DPP10: variants seen among roughly 807,000 people sequenced by gnomAD.
DPP10 encodes inactive dipeptidyl peptidase 10.
A neutral mutation model predicts 120.9 loss-of-function variants in DPP10; 33 were observed. The observed-to-expected ratio is 0.27, with a 90% confidence interval of 0.21 to 0.37. The LOEUF (loss-of-function observed/expected upper bound fraction) is 0.37. DPP10 is among the 10% of genes least tolerant of loss of function. The probability of loss-of-function intolerance (pLI) is 1.00; values close to 1 mark genes in which losing one functional copy is unlikely to be tolerated. For synonymous variants in DPP10, 337 were observed against 326.1 expected, an observed-to-expected ratio of 1.03 and a Z score of -0.36; for missense variants, 816 against 942.8, an observed-to-expected ratio of 0.87 and a Z score of 1.76.
intron 1 of DPP10, among the ~76,000 whole-genome samples, chr2:114,851,378 A>G (rs894974860): frequency 1.3e-5 from 2 of 152,188 alleles, no homozygotes; most frequent in Admixed American, 6.5e-5. Flanking sequence ...TGAAACATCA[A>G]CTACATTAAA....
chr2:115,646,246 A>C (rs1387643498), intron 5 of DPP10, among the ~76,000 whole-genome samples: 1 of 152,206 alleles, frequency 6.6e-6, no homozygotes, highest in Non-Finnish European at 1.5e-5. Flanking sequence ...GATGGAGATC[A>C]GACTGTCACA....
intron 8 of DPP10, among the ~76,000 whole-genome samples, chr2:115,731,660 A>G (rs1490182724): frequency 6.6e-6 from 1 of 152,178 alleles, no homozygotes; most frequent in African/African-American, 2.4e-5. Context: ...CTTAGTCACT[A>G]GTCTACTCTA....
intron 1 of DPP10, among the ~76,000 whole-genome samples, chr2:114,753,692 G>C (rs968460327): frequency 6.6e-6 from 1 of 151,974 alleles, no homozygotes; most frequent in Non-Finnish European, 1.5e-5. Context: ...GGCAGATCAC[G>C]AGGTCAGGAG....
At chr2:115,502,407 T>C (rs774485599) in intron 4 of DPP10, among the ~76,000 whole-genome samples, 3 of 152,148 alleles carry the variant, frequency 2.0e-5, no homozygotes, top group Non-Finnish European at 4.4e-5. Context: ...TGGTTTAGCC[T>C]CAAAAATGCT....
chr2:114,846,733 G>A (rs767780738), intron 1 of DPP10, among the ~76,000 whole-genome samples: 8 of 152,070 alleles, frequency 5.3e-5, no homozygotes, highest in Non-Finnish European at 1.5e-5. Context: ...TCAGTAGGCT[G>A]CAATTTATGA....
At chr2:114,734,321 C>T (rs1677210996) in intron 1 of DPP10, among the ~76,000 whole-genome samples, 1 of 152,180 alleles carries the variant, frequency 6.6e-6, no homozygotes, top group African/African-American at 2.4e-5. Flanking sequence ...AGTCTGCTAC[C>T]TGAGAGCTCC....
rs1006685442 is a variant in DPP10, at chr2:115,563,501, G to A, written c.441+37529G>A. On this transcript the variant is annotated intron_variant, in intron 5 of 25. Transcript: ENST00000410059. The stretch of plus-strand genomic sequence containing the variant: ...AAAGAAGATGTGATTCCCTACAGCT[G>A]TGAACAGTGATGTGGAAAATATAGT... Among the ~76,000 whole-genome samples, 51 of 152,166 alleles carry A rather than the reference G, an allele frequency of 3.4e-4. 1 individual carries two copies. Among genetic ancestry groups the A allele is most frequent in the African/African-American group, 1.2e-3 (50 of 41,450 alleles).
chr2:114,847,991 G>A (rs1574333868), intron 1 of DPP10, among the ~76,000 whole-genome samples: 3 of 152,142 alleles, frequency 2.0e-5, no homozygotes, highest in Admixed American at 2.0e-4. Context: ...CATCAAAGTA[G>A]TTAAGTTCAC....
rs962070588 is a variant in DPP10, at chr2:115,536,741, T to A, written c.441+10769T>A. 5.9e-5 allele frequency among the ~76,000 whole-genome samples: 9 copies of A among 152,020 alleles called. No individual in the cohort carries two copies. In the East Asian group the frequency reaches 1.4e-3, roughly 23 times the overall value. On this transcript the variant is annotated intron_variant, in intron 5 of 25. Coordinates refer to ENST00000410059, the MANE Select transcript of DPP10 (RefSeq NM_020868.6). Reference sequence around the variant, plus strand: ...TTTATGGATAGGAGAATCTGTGATATGTTAGCAATTTCTGATTCCTTCTTA... The same window carrying A: ...TTTATGGATAGGAGAATCTGTGATAAGTTAGCAATTTCTGATTCCTTCTTA...
At chr2:115,302,566 A>G (rs969495077) in intron 1 of DPP10, among the ~76,000 whole-genome samples, 1 of 151,872 alleles carries the variant, frequency 6.6e-6, no homozygotes, top group Non-Finnish European at 1.5e-5. Flanking sequence ...ACAGTGAGCC[A>G]TGATTGTGCC....
intron 1 of DPP10, among the ~76,000 whole-genome samples, chr2:115,244,237 TATAGAG>T (rs1232044197): frequency 0.016 from 1,052 of 66,992 alleles, 8 homozygotes; most frequent in African/African-American, 0.055. Flanking sequence ...TATATATATA[TATAGAG>T]AGAGAGAGAG....
At chr2:114,950,217 C>A (rs1316601345) in intron 1 of DPP10, among the ~76,000 whole-genome samples, 2 of 148,268 alleles carry the variant, frequency 1.3e-5, no homozygotes, top group Non-Finnish European at 3.0e-5. Flanking sequence ...TCTTTAGAAG[C>A]TTTTTTTTGT....
At chr2:115,718,029 C>A (rs908729025) in intron 7 of DPP10, among the ~76,000 whole-genome samples, 2 of 151,864 alleles carry the variant, frequency 1.3e-5, no homozygotes, top group Non-Finnish European at 2.9e-5. Flanking sequence ...TACTAGGTAG[C>A]CGGTATAGAG....
rs199586112 is a variant in DPP10, at chr2:115,525,878, G to T, written c.367-20G>T. 844 of 1,534,662 alleles carry T rather than the reference G, an allele frequency of 5.5e-4. 2 individuals are homozygous for T. The highest frequency in any genetic ancestry group is 5.0e-3 in the East Asian group (220 of 43,768). On this transcript the variant is annotated intron_variant, in intron 4 of 25. Coordinates refer to ENST00000410059, the MANE Select transcript of DPP10 (RefSeq NM_020868.6). ...GTTAAGAAGTTTTTAAATATAACTG[G>T]TTTTTTTTTCTTTTTCTAGGTAACC...
chr2:114,739,960 G>A (rs529201544), intron 1 of DPP10, among the ~76,000 whole-genome samples: 15 of 152,088 alleles, frequency 9.9e-5, no homozygotes, highest in African/African-American at 3.6e-4. Flanking sequence ...AATTCCTCTG[G>A]GATCTAGAAC....
Position 115,269,017 on chromosome 2 carries a change from C to T in DPP10, c.61-40222C>T, listed in dbSNP as rs971381249. Among the ~76,000 whole-genome samples, 9 of 152,152 alleles carry T rather than the reference C, an allele frequency of 5.9e-5. No individual in the cohort carries two copies. In the South Asian group the frequency reaches 6.2e-4, roughly 11 times the overall value. ...CAAAAATTAGCTGGGCGTGGTGGCA[C>T]GCACCTGTAGTCCCACCTACTCAGG... On this transcript the variant is annotated intron_variant, in intron 1 of 25. Coordinates refer to ENST00000410059, the MANE Select transcript of DPP10 (RefSeq NM_020868.6).
chr2:114,724,579 G>A (rs575566842), intron 1 of DPP10, among the ~76,000 whole-genome samples: 2 of 152,160 alleles, frequency 1.3e-5, no homozygotes, highest in Non-Finnish European at 2.9e-5. Flanking sequence ...CATGCACAAG[G>A]GGTAAACATA....
Position 115,842,468 on chromosome 2 carries a change from C to A in DPP10, c.*123C>A. ...GCTTACGGAGATGTCACTGGAGCAGCACGCTCAGAGACAGTGAACTAGCAT... is the reference window on the plus strand; with the variant it reads ...GCTTACGGAGATGTCACTGGAGCAGAACGCTCAGAGACAGTGAACTAGCAT... On this transcript the variant is annotated 3_prime_UTR_variant, in exon 26 of 26. Coordinates refer to ENST00000410059, the MANE Select transcript of DPP10 (RefSeq NM_020868.6). 1 of 1,185,642 alleles carries A rather than the reference C, an allele frequency of 8.4e-7. No individual in the cohort carries two copies. Among genetic ancestry groups the A allele is most frequent in the Non-Finnish European group, 1.2e-6 (1 of 863,094 alleles). The allele number at this position is 1,185,642 out of a possible 1,614,324, so 73.4% of individuals were successfully genotyped here.
At chr2:115,332,963 A>G (rs2062849628) in intron 2 of DPP10, among the ~76,000 whole-genome samples, 1 of 151,956 alleles carries the variant, frequency 6.6e-6, no homozygotes, top group African/African-American at 2.4e-5. Context: ...GCTGCGTTCA[A>G]TTCCTGGATG....
Sources: allele counts gnomAD v4.1 joint callset (sites outside exome capture counted in the v4.1 genomes callset), GRCh38; gene constraint gnomAD v4.1.1; transcripts MANE v1.5; gene names NCBI Gene and HGNC (gene_info 2026-07-23, HGNC 2026-07-21).